The following RFTN2 variants were observed in gnomAD, a reference collection of about 807,000 sequenced individuals.
RFTN2 encodes the protein raftlin family member 2.
In RFTN2, 34 loss-of-function variants were observed where a neutral mutation model predicts 52.7. That is an observed-to-expected ratio of 0.64 (90% CI 0.49 to 0.86). The LOEUF (loss-of-function observed/expected upper bound fraction) is 0.86. Ranked by LOEUF, RFTN2 falls within the 40% of genes least tolerant of loss-of-function variation. RFTN2 has a pLI of 0.00. For synonymous variants in RFTN2, 203 were observed against 217.7 expected, an observed-to-expected ratio of 0.93 and a Z score of 0.59; for missense variants, 536 against 600.1, an observed-to-expected ratio of 0.89 and a Z score of 1.12.
chr2:197,603,842 G>T (rs1340063457), intron 7 of RFTN2, among the ~76,000 whole-genome samples: 2 of 152,130 alleles, frequency 1.3e-5, no homozygotes, highest in African/African-American at 4.8e-5. Context: ...CAGAAGAATC[G>T]CTTGAACCCG....
At chr2:197,602,491 G>A (rs1307913993) in intron 7 of RFTN2, among the ~76,000 whole-genome samples, 2 of 152,024 alleles carry the variant, frequency 1.3e-5, no homozygotes, top group African/African-American at 4.8e-5. Context: ...TAGAATTTAT[G>A]GATAGGTGGG....
Position 197,571,685 on chromosome 2 carries a change from C to A in RFTN2, c.*323G>T. ...TAAAATACTGATTGAGATATTCAGTCTCCTTACCAGGAATTGTAAGAAAGT... is the reference window on the plus strand; with the variant it reads ...TAAAATACTGATTGAGATATTCAGTATCCTTACCAGGAATTGTAAGAAAGT... On this transcript the variant is annotated 3_prime_UTR_variant, in exon 9 of 9. Transcript: ENST00000295049. The A allele has an allele frequency of 3.4e-6, 1 of 291,810 alleles. No individual in the cohort carries two copies. Among genetic ancestry groups the A allele is most frequent in the South Asian group, 5.1e-5 (1 of 19,670 alleles). The allele number at this position is 291,810 out of a possible 1,614,324, so 18.1% of individuals were successfully genotyped here.
intron 1 of RFTN2, among the ~76,000 whole-genome samples, chr2:197,656,258 C>T (rs1164328017): frequency 6.6e-6 from 1 of 152,082 alleles, no homozygotes; most frequent in Non-Finnish European, 1.5e-5. Context: ...GTCTGGCACA[C>T]AGTAAGTGCT....
In RFTN2 at chr2:197,584,695, C is replaced by T. The variant is rs1278415924; in HGVS notation, c.1233+11296G>A. ...CATGAGGACTGGACAGTACTTCTAC[C>T]TCTTGCCCTTCTCAGAATCAGAACG... On this transcript the variant is annotated intron_variant, in intron 8 of 8. Coordinates refer to ENST00000295049, the MANE Select transcript of RFTN2 (RefSeq NM_144629.3). 2.0e-5 allele frequency among the ~76,000 whole-genome samples: 3 copies of T among 152,142 alleles called. No homozygotes were observed. The East Asian group carries it at 5.8e-4, about 29-fold the overall frequency.
chr2:197,639,724 CCTT>C (rs2088629460), intron 3 of RFTN2, among the ~76,000 whole-genome samples: 1 of 137,818 alleles, frequency 7.3e-6, no homozygotes, highest in African/African-American at 2.8e-5. Context: ...TCGTCTGAAG[CCTT>C]CTTCTCTCAG....
chr2:197,584,312 C>T (rs558032162), intron 8 of RFTN2, among the ~76,000 whole-genome samples: 86 of 152,238 alleles, frequency 5.6e-4, no homozygotes, highest in Admixed American at 2.5e-3. Context: ...TTTTAATGAT[C>T]GCCATTCTAA....
At chr2:197,634,124 CTCAT>C in intron 3 of RFTN2, 127 bp from the exon 4 acceptor site, 4 of 757,832 alleles carry the variant, frequency 5.3e-6, no homozygotes, top group Non-Finnish European at 6.3e-6. Flanking sequence ...AGTGACAAGA[CTCAT>C]TCATAAACTA....
At chr2:197,593,237 TA>T (rs1308008552) in intron 8 of RFTN2, among the ~76,000 whole-genome samples, 2 of 152,066 alleles carry the variant, frequency 1.3e-5, no homozygotes, top group Non-Finnish European at 2.9e-5. Flanking sequence ...TACTGGATAG[TA>T]TCTAAAGCTA....
intron 7 of RFTN2, among the ~76,000 whole-genome samples, chr2:197,610,575 T>C (rs1366322090): frequency 1.3e-5 from 2 of 152,214 alleles, no homozygotes; most frequent in Non-Finnish European, 2.9e-5. Flanking sequence ...CAATTTGACC[T>C]CCTCATTTCC....
intron 5 of RFTN2, among the ~76,000 whole-genome samples, chr2:197,625,410 A>G (rs2106223810): frequency 6.6e-6 from 1 of 151,908 alleles, no homozygotes; most frequent in African/African-American, 2.4e-5. Flanking sequence ...GAGAGGTAAC[A>G]CTCCATTTTA....
intron 7 of RFTN2, among the ~76,000 whole-genome samples, chr2:197,597,111 T>C (rs1015806236): frequency 1.2e-4 from 18 of 152,226 alleles, no homozygotes; most frequent in African/African-American, 4.3e-4. Flanking sequence ...TTTAGAGTTA[T>C]ATGTCAACTG....
At chr2:197,630,421 T>C (rs920439557) in intron 5 of RFTN2, among the ~76,000 whole-genome samples, 2 of 152,192 alleles carry the variant, frequency 1.3e-5, no homozygotes, top group Non-Finnish European at 2.9e-5. Flanking sequence ...GAAAGTCATT[T>C]TTGATAATAT....
intron 1 of RFTN2, among the ~76,000 whole-genome samples, chr2:197,651,174 A>G (rs1482032982): frequency 6.6e-6 from 1 of 152,182 alleles, no homozygotes; most frequent in Non-Finnish European, 1.5e-5. Context: ...ACCCTTTATC[A>G]GGTATATGAT....
At chr2:197,668,186 G>A (rs1379518850) in intron 1 of RFTN2, among the ~76,000 whole-genome samples, 1 of 152,112 alleles carries the variant, frequency 6.6e-6, no homozygotes, top group Non-Finnish European at 1.5e-5. Context: ...TGTTCAGGTA[G>A]CAATGGTGGT....
At chr2:197,619,332 C>G (rs1436224404) in intron 5 of RFTN2, among the ~76,000 whole-genome samples, 1 of 152,034 alleles carries the variant, frequency 6.6e-6, no homozygotes, top group Non-Finnish European at 1.5e-5. Flanking sequence ...ATTGAGAAAT[C>G]GGATGGTTGC....
intron 8 of RFTN2, among the ~76,000 whole-genome samples, chr2:197,579,269 G>A (rs918721077): frequency 6.6e-6 from 1 of 152,062 alleles, no homozygotes; most frequent in Non-Finnish European, 1.5e-5. Context: ...CACCTTGCCT[G>A]GGGGGCAATT....
intron 1 of RFTN2, among the ~76,000 whole-genome samples, chr2:197,668,313 C>T (rs2089090614): frequency 6.6e-6 from 1 of 152,098 alleles, no homozygotes; most frequent in African/African-American, 2.4e-5. Context: ...AGGCACCAGT[C>T]ATGGTAGGCA....
At chr2:197,637,329 T>C (rs1189239617) in intron 3 of RFTN2, among the ~76,000 whole-genome samples, 2 of 152,204 alleles carry the variant, frequency 1.3e-5, no homozygotes. Flanking sequence ...CAGTTGTTCC[T>C]TGTACCTCTG....
At chr2:197,581,072 C>T (rs532712039) in intron 8 of RFTN2, among the ~76,000 whole-genome samples, 124 of 152,240 alleles carry the variant, frequency 8.1e-4, no homozygotes, top group African/African-American at 2.9e-3. Flanking sequence ...CCCATTAAAA[C>T]CTAATCACCC....
Sources: gnomAD v4.1 joint callset for allele counts (sites outside exome capture counted in the v4.1 genomes callset) on GRCh38, gnomAD v4.1.1 for gene constraint, MANE v1.5 for transcripts, NCBI Gene and HGNC (gene_info 2026-07-23, HGNC 2026-07-21) for gene names.